LEPROT: variants seen among roughly 807,000 people sequenced by gnomAD.
LEPROT encodes leptin receptor overlapping transcript.
Under a neutral mutation model 15.4 loss-of-function variants are expected in LEPROT, and 3 were observed. The ratio of observed to expected loss-of-function variants is 0.19; its 90% confidence interval spans 0.09 to 0.50. The LOEUF (loss-of-function observed/expected upper bound fraction) is 0.50. Among genes scored for constraint, LEPROT ranks in the 20% least tolerant of loss-of-function variants. LEPROT has a pLI of 0.97. For synonymous variants in LEPROT, 59 were observed against 57.5 expected, an observed-to-expected ratio of 1.03 and a Z score of -0.12; for missense variants, 137 against 162.2, an observed-to-expected ratio of 0.84 and a Z score of 0.84.
At chr1:65,422,062 AAC>A (rs1646261814) in intron 1 of LEPROT, among the ~76,000 whole-genome samples, 1 of 152,054 alleles carries the variant, frequency 6.6e-6, no homozygotes, top group African/African-American at 2.4e-5. Context: ...GCGGTGGGAG[AAC>A]AGATGGTGGG....
chr1:65,425,697 A>G (rs1646348804), intron 2 of LEPROT, among the ~76,000 whole-genome samples: 1 of 152,274 alleles, frequency 6.6e-6, no homozygotes, highest in Non-Finnish European at 1.5e-5. Context: ...CGGTCTAGTC[A>G]GTAATCTGGC....
At chr1:65,422,271 C>T (rs1377937062) in intron 1 of LEPROT, among the ~76,000 whole-genome samples, 6 of 152,080 alleles carry the variant, frequency 3.9e-5, no homozygotes, top group African/African-American at 4.8e-5. Context: ...AGGGAGAATA[C>T]CATGGGAAGA....
Position 65,432,895 on chromosome 1 carries a change from C to A in LEPROT, c.*976C>A. The A allele has an allele frequency of 1.2e-6, 1 of 869,206 alleles. No individual in the cohort carries two copies. The highest frequency in any genetic ancestry group is 1.4e-6 in the Non-Finnish European group (1 of 724,206). The allele number at this position is 869,206 out of a possible 1,614,324, so 53.8% of individuals were successfully genotyped here. ...ACCTTATATTCAAAAATCATAAAAC[C>A]GTATTGTACCCTATAAAAATATACA... is the stretch of plus-strand genomic sequence containing the variant. On this transcript the variant is annotated 3_prime_UTR_variant, in exon 4 of 4. Coordinates refer to ENST00000371065, the MANE Select transcript of LEPROT (RefSeq NM_017526.5).
Position 65,434,697 on chromosome 1 carries a change from C to T in LEPROT, c.*2778C>T, listed in dbSNP as rs925667026. ...AAGGTCTTTCTCCTTTTAATTTTTCCACTCATTTTCACCTCCTAATGCCCT... is the reference window on the plus strand; with the variant it reads ...AAGGTCTTTCTCCTTTTAATTTTTCTACTCATTTTCACCTCCTAATGCCCT... On this transcript the variant is annotated 3_prime_UTR_variant, in exon 4 of 4. Coordinates refer to ENST00000371065, the MANE Select transcript of LEPROT (RefSeq NM_017526.5). The T allele has an allele frequency of 1.0e-6, 1 of 985,264 alleles. No individual in the cohort carries two copies. The highest frequency in any genetic ancestry group is 1.2e-6 in the Non-Finnish European group (1 of 829,960). 61.0% of individuals were successfully genotyped at this position (985,264 alleles called of 1,614,324 possible).
Position 65,435,045 on chromosome 1 carries a change from C to T in LEPROT, c.*3126C>T. ...GCCTCATAACCCACTGATTCTCATT[C>T]ACAGAGAATGGGAGAACGGAATGAA... On this transcript the variant is annotated 3_prime_UTR_variant, in exon 4 of 4. Transcript: ENST00000371065. The T allele has an allele frequency of 1.0e-6, 1 of 985,432 alleles. No individual in the cohort carries two copies. The highest frequency in any genetic ancestry group is 4.7e-5 in the South Asian group (1 of 21,284). 61.0% of individuals were successfully genotyped at this position (985,432 alleles called of 1,614,324 possible). A position where few individuals can be genotyped will look rare whatever the true frequency, so the allele number is the denominator to read the frequency against.
intron 1 of LEPROT, among the ~76,000 whole-genome samples, chr1:65,423,020 C>T (rs1440340923): frequency 6.6e-6 from 1 of 152,150 alleles, no homozygotes; most frequent in East Asian, 1.9e-4. Context: ...GTCACCTTGA[C>T]CTACTGATTC....
At chr1:65,421,568 C>T (rs1049380219) in intron 1 of LEPROT, 19 of 1,271,818 alleles carry the variant, frequency 1.5e-5, no homozygotes, top group African/African-American at 1.3e-4. Context: ...CCCCAGTTAA[C>T]ATCTGCTATA....
In LEPROT at chr1:65,434,281, G is replaced by A. The variant is rs1019325396; in HGVS notation, c.*2362G>A. ...TATATAATACAAAAGTTTGATCATG[G>A]TGACACAAATGTTGGACATTTTTTT... On this transcript the variant is annotated 3_prime_UTR_variant, in exon 4 of 4. Coordinates refer to ENST00000371065, the MANE Select transcript of LEPROT (RefSeq NM_017526.5). 37 of 983,356 alleles carry A rather than the reference G, an allele frequency of 3.8e-5. No individual in the cohort carries two copies. The highest frequency in any genetic ancestry group is 4.2e-5 in the Non-Finnish European group (35 of 828,216). The allele number at this position is 983,356 out of a possible 1,614,324, so 60.9% of individuals were successfully genotyped here.
chr1:65,428,198 A>G (rs994120748), intron 2 of LEPROT, among the ~76,000 whole-genome samples: 1 of 152,258 alleles, frequency 6.6e-6, no homozygotes. Flanking sequence ...TATATTTAAT[A>G]TTTACATTTT....
At position 65,429,846 on chromosome 1, in the gene LEPROT, T is replaced by G. The variant is rs771497046; in HGVS notation, c.93-16T>G. ...GTTACTTTTCTTTTTGGATTTTGCC[T>G]GGGTCCAACTGACAGCGTTTACTGG... is the stretch of plus-strand genomic sequence containing the variant. On this transcript the variant is annotated splice_polypyrimidine_tract_variant and intron_variant, in intron 2 of 3. Coordinates refer to ENST00000371065, the MANE Select transcript of LEPROT (RefSeq NM_017526.5). 7 of 1,405,472 alleles carry G rather than the reference T, an allele frequency of 5.0e-6. No homozygotes were observed. Among genetic ancestry groups the G allele is most frequent in the Non-Finnish European group, 6.6e-6 (7 of 1,064,830 alleles). 87.1% of individuals were successfully genotyped at this position (1,405,472 alleles called of 1,614,324 possible).
intron 3 of LEPROT, 55 bp downstream of exon 3, chr1:65,430,103 C>A: frequency 2.1e-6 from 3 of 1,429,636 alleles, no homozygotes; most frequent in East Asian, 2.4e-5. Context: ...ACTTCAGAGG[C>A]CTGTGTCTGG....
At position 65,433,733 on chromosome 1, in the gene LEPROT, A is replaced by G; in HGVS notation, c.*1814A>G. Reference sequence around the variant, plus strand: ...TAGAAAAATTATTTAGATACTTTATAATTTTAACCGGCATTTTTAATAATG... The same window carrying G: ...TAGAAAAATTATTTAGATACTTTATGATTTTAACCGGCATTTTTAATAATG... On this transcript the variant is annotated 3_prime_UTR_variant, in exon 4 of 4. Coordinates refer to ENST00000371065, the MANE Select transcript of LEPROT (RefSeq NM_017526.5). 1 of 921,762 alleles carries G rather than the reference A, an allele frequency of 1.1e-6. No homozygotes were observed. Among genetic ancestry groups the G allele is most frequent in the Non-Finnish European group, 1.3e-6 (1 of 772,234 alleles). 57.1% of individuals were successfully genotyped at this position (921,762 alleles called of 1,614,324 possible). A position where few individuals can be genotyped will look rare whatever the true frequency, so the allele number is the denominator to read the frequency against.
At chr1:65,423,162 A>G (rs914992865) in intron 1 of LEPROT, among the ~76,000 whole-genome samples, 2 of 152,162 alleles carry the variant, frequency 1.3e-5, no homozygotes, top group Non-Finnish European at 2.9e-5. Context: ...AAGGCAGAGA[A>G]GTCCAGACTG....
chr1:65,426,055 G>C (rs1570419917), intron 2 of LEPROT, among the ~76,000 whole-genome samples: 1 of 144,210 alleles, frequency 6.9e-6, no homozygotes, highest in Non-Finnish European at 1.5e-5. Context: ...CATACTGTCA[G>C]AGGTAGAAAT....
Position 65,432,734 on chromosome 1 carries a change from A to G in LEPROT, c.*815A>G. ...GGAGGAATAAGTGTGATTTTTTTTT[A>G]AAGATCACTTGCACAGCATGCTAAA... On this transcript the variant is annotated 3_prime_UTR_variant, in exon 4 of 4. Transcript: ENST00000371065. The G allele has an allele frequency of 3.1e-6, 2 of 642,998 alleles. No homozygotes were observed. Among genetic ancestry groups the G allele is most frequent in the Non-Finnish European group, 3.9e-6 (2 of 517,606 alleles). 39.8% of individuals were successfully genotyped at this position (642,998 alleles called of 1,614,324 possible).
intron 2 of LEPROT, 25 bp downstream of exon 2, chr1:65,425,403 T>C (rs750259367): frequency 1.3e-6 from 2 of 1,567,304 alleles, no homozygotes; most frequent in East Asian, 4.6e-5. Flanking sequence ...CAAAAAGAAC[T>C]ATTCCTCTTT....
rs144787278 is a variant in LEPROT, at chr1:65,424,071, G to A, written c.17-1232G>A. On this transcript the variant is annotated intron_variant, in intron 1 of 3. Transcript: ENST00000371065. ...ACCCAAAGTCATAAGACCAGATGGTGGCAGAGTTAAGATTTGACTCATGTT... is the reference window on the plus strand; with the variant it reads ...ACCCAAAGTCATAAGACCAGATGGTAGCAGAGTTAAGATTTGACTCATGTT... Among the ~76,000 whole-genome samples, 462 of 152,300 alleles carry A rather than the reference G, an allele frequency of 3.0e-3. 3 individuals are homozygous for A. Among genetic ancestry groups the A allele is most frequent in the Non-Finnish European group, 5.0e-3 (337 of 68,040 alleles).
At chr1:65,421,736 T>C (rs138691306) in intron 1 of LEPROT, among the ~76,000 whole-genome samples, 15 of 152,348 alleles carry the variant, frequency 9.8e-5, no homozygotes, top group Admixed American at 9.1e-4. Flanking sequence ...GTGTCGACTG[T>C]GTTATATATC....
At chr1:65,430,094 C>T in intron 3 of LEPROT, 46 bp downstream of exon 3, 1 of 1,462,512 alleles carries the variant, frequency 6.8e-7, no homozygotes, top group Non-Finnish European at 9.2e-7. Context: ...GCTGAGTTTA[C>T]TTCAGAGGCC....
Sources: allele counts gnomAD v4.1 joint callset (sites outside exome capture counted in the v4.1 genomes callset), GRCh38; gene constraint gnomAD v4.1.1; transcripts MANE v1.5; gene names NCBI Gene and HGNC (gene_info 2026-07-23, HGNC 2026-07-21).